Variants in ZHX3 observed in about 807,000 individuals in gnomAD.
ZHX3 encodes zinc fingers and homeoboxes 3, also known as zinc fingers and homeoboxes protein 3.
In ZHX3, 20 loss-of-function variants were observed where a neutral mutation model predicts 64.5. The ratio of observed to expected loss-of-function variants is 0.31; its 90% CI spans 0.22 to 0.45. The LOEUF is 0.45. ZHX3 is among the 20% of genes least tolerant of loss of function. The pLI, the probability that ZHX3 is intolerant of heterozygous loss-of-function variation, is 1.00. For missense variants in ZHX3, 1,041 were observed against 1,195.8 expected (o/e 0.87, Z 1.91); for synonymous variants, 423 against 461.6 (o/e 0.92, Z 1.07).
rs952434510 is a variant in ZHX3 at position 41,259,550 on chromosome 20, T to A, written c.-151+9440A>T. The stretch of plus-strand genomic sequence containing the variant: ...CCCTACAAAGAATGAAGTAGATACA[T>A]GTGAATGGACATAGAAAGACTCCCA... On this transcript the variant is annotated intron_variant, in intron 2 of 3. Coordinates refer to ENST00000683867, the MANE Select transcript of ZHX3 (RefSeq NM_001384317.1). Among the ~76,000 whole-genome samples the A allele has an allele frequency of 3.9e-5, 6 of 152,156 alleles. No individual in the cohort carries two copies. The South Asian group carries it at 1.0e-3, about 26-fold the overall frequency.
At chr20:41,300,198 G>A (rs6029618) in intron 1 of ZHX3, 1 of 152,192 alleles carries the variant, frequency 6.6e-6, no homozygotes, top group Non-Finnish European at 1.5e-5. Flanking sequence ...ACATGTAACA[G>A]GCTTTGGGAT....
intron 2 of ZHX3, among the ~76,000 whole-genome samples, chr20:41,268,264 A>C (rs552179226): frequency 6.6e-6 from 1 of 152,268 alleles, no homozygotes; most frequent in Non-Finnish European, 1.5e-5. Flanking sequence ...TACTGGACAA[A>C]GTTTCTTAAT....
chr20:41,278,833 CAT>C, intron 1 of ZHX3, among the ~76,000 whole-genome samples: 1 of 109,402 alleles, frequency 9.1e-6, no homozygotes, highest in East Asian at 2.9e-4. Context: ...AGTGCAGTGG[CAT>C]GATCTGGGCT....
intron 3 of ZHX3, chr20:41,196,622 TG>T (rs1338012454): frequency 8.7e-6 from 1 of 115,518 alleles, no homozygotes; most frequent in East Asian, 2.2e-4. Context: ...ATAATATCCT[TG>T]TCTCTTGTAA....
intron 1 of ZHX3, among the ~76,000 whole-genome samples, chr20:41,270,082 A>T (rs1268986246): frequency 6.6e-6 from 1 of 152,204 alleles, no homozygotes; most frequent in African/African-American, 2.4e-5. Flanking sequence ...TTGTTAGGTA[A>T]ATTACCTAAA....
rs1397668446 is a variant in ZHX3 at position 41,204,630 on chromosome 20, A to C, written c.287T>G (p.Met96Arg). 2 of 1,614,248 alleles carry C rather than the reference A, an allele frequency of 1.2e-6. No homozygotes were observed. The highest frequency in any genetic ancestry group is 1.7e-6 in the Non-Finnish European group (2 of 1,180,048). Reference protein sequence around the residue: ...SHDMTQFVGHMNSEHTDFNKD... With the variant: ...SHDMTQFVGHRNSEHTDFNKD... The stretch of plus-strand genomic sequence containing the variant: ...ATTAAAGTCTGTGTGCTCTGAGTTC[A>C]TATGTCCCACAAATTGGGTCATGTC... Residue 96 changes from methionine (M) to arginine (R), a missense_variant, in exon 3 of 4, where the codon ATG (methionine) becomes AGG (arginine). Physicochemically the swap from Met to Arg is moderately conservative, Grantham distance 91. Around this residue, in one of 4 missense-constraint regions of ZHX3, gnomAD observed 358 missense variants for 369.1 expected, o/e 0.97. Transcript: ENST00000683867. This position sits in a 1 kb window ranked among gnomAD's most constrained non-coding sequence, Gnocchi z 6.6.
chr20:41,212,502 A>G lies in ZHX3; in HGVS notation c.-150-7436T>C, dbSNP rs2039229214. ...AAATGTTAAATATAGAGTTGCCATA[A>G]GATCCAGCAATTTGGCCGGGCGCAG... On this transcript the variant is annotated intron_variant, in intron 2 of 3. Transcript: ENST00000683867. This position sits in a 1 kb window ranked among gnomAD's most constrained non-coding sequence, Gnocchi z 4.3. 6.6e-6 allele frequency among the ~76,000 whole-genome samples: 1 copy of G among 152,226 alleles called. No homozygotes were observed. The highest frequency in any genetic ancestry group is 1.5e-5 in the Non-Finnish European group (1 of 68,036).
chr20:41,211,840 T>C (rs2146286517), intron 2 of ZHX3, among the ~76,000 whole-genome samples: 1 of 152,334 alleles, frequency 6.6e-6, no homozygotes, highest in South Asian at 2.1e-4. Flanking sequence ...GGGCTTACCA[T>C]CTCAAAGAGC....
Position 41,287,408 on chromosome 20 carries a change from G to A in ZHX3, c.-244-18325C>T, listed in dbSNP as rs569101379. Among the ~76,000 whole-genome samples, 3 of 152,184 alleles carry A rather than the reference G, an allele frequency of 2.0e-5. No homozygotes were observed. In the East Asian group the frequency reaches 5.8e-4, roughly 29 times the overall value. ...TCTGTGTTAGGCAGGCTCTAAGATG[G>A]CCCCTAATGATCTCTGCGTCCTGGT... is the stretch of plus-strand genomic sequence containing the variant. On this transcript the variant is annotated intron_variant, in intron 1 of 3. Coordinates refer to ENST00000683867, the MANE Select transcript of ZHX3 (RefSeq NM_001384317.1).
intron 2 of ZHX3, among the ~76,000 whole-genome samples, chr20:41,244,849 C>T (rs982807130): frequency 1.3e-5 from 2 of 152,146 alleles, no homozygotes; most frequent in African/African-American, 4.8e-5. Context: ...CTTACCTTCT[C>T]GGCCATCTCC....
intron 1 of ZHX3, among the ~76,000 whole-genome samples, chr20:41,311,373 T>C (rs2045133087): frequency 6.6e-6 from 1 of 152,224 alleles, no homozygotes; most frequent in Non-Finnish European, 1.5e-5. Flanking sequence ...AGACATGTAA[T>C]TTTCCTCAAG....
intron 1 of ZHX3, among the ~76,000 whole-genome samples, chr20:41,283,497 G>A (rs1293471891): frequency 3.3e-5 from 5 of 152,154 alleles, no homozygotes; most frequent in East Asian, 1.9e-4. Context: ...GGTAGCTCAC[G>A]CCTGTAATCC....
intron 1 of ZHX3, among the ~76,000 whole-genome samples, chr20:41,308,583 AT>A (rs1300424154): frequency 6.6e-6 from 1 of 152,214 alleles, no homozygotes; most frequent in African/African-American, 2.4e-5. Flanking sequence ...AATCTAAACA[AT>A]GCAACTCAAA....
intron 2 of ZHX3, among the ~76,000 whole-genome samples, chr20:41,255,446 C>T (rs924535962): frequency 2.0e-5 from 3 of 152,118 alleles, no homozygotes; most frequent in African/African-American, 7.2e-5. Flanking sequence ...CTACCACGCC[C>T]GGCAAAGGAT....
chr20:41,203,391 A>C lies in ZHX3; in HGVS notation c.1526T>G (p.Leu509Arg), dbSNP rs1208226866. Residue 509 changes from leucine to arginine, a missense_variant, in exon 3 of 4, where the codon CTG becomes CGG. Around this residue, in one of 4 missense-constraint regions of ZHX3, gnomAD observed 649 missense variants for 739.8 expected, o/e 0.88. Coordinates refer to ENST00000683867, the MANE Select transcript of ZHX3 (RefSeq NM_001384317.1). This position sits in a 1 kb window ranked among gnomAD's most constrained non-coding sequence, Gnocchi z 7.1. ...NKKSHEQLSA[L>R]KGSFCRNQFP... ...CTGGTTCCGACAGAAGCTCCCTTTC[A>C]GAGCTGACAGCTGTTCATGAGATTT... The C allele has an allele frequency of 1.9e-6, 3 of 1,614,072 alleles. No homozygotes were observed. Among genetic ancestry groups the C allele is most frequent in the Non-Finnish European group, 1.7e-6 (2 of 1,180,052 alleles).
At chr20:41,288,858 A>ATT (rs1422815753) in intron 1 of ZHX3, among the ~76,000 whole-genome samples, 1 of 152,236 alleles carries the variant, frequency 6.6e-6, no homozygotes, top group Non-Finnish European at 1.5e-5. Flanking sequence ...TCAGGACTCT[A>ATT]TAATTTCATT....
intron 1 of ZHX3, among the ~76,000 whole-genome samples, chr20:41,293,339 T>C (rs1396478633): frequency 6.6e-6 from 1 of 152,210 alleles, no homozygotes; most frequent in Non-Finnish European, 1.5e-5. Flanking sequence ...AGAGGATTAT[T>C]GTCAGTTTGG....
intron 1 of ZHX3, 187 bp from the exon 2 acceptor site, chr20:41,269,270 C>T (rs1333641810): frequency 6.6e-6 from 1 of 152,104 alleles, no homozygotes; most frequent in Non-Finnish European, 1.5e-5. Flanking sequence ...TATTAAAATT[C>T]CTAGTAGAAA....
At chr20:41,207,094 A>G (rs2038775712) in intron 2 of ZHX3, among the ~76,000 whole-genome samples, 1 of 152,214 alleles carries the variant, frequency 6.6e-6, no homozygotes, top group Non-Finnish European at 1.5e-5. Context: ...ACAGACAAAC[A>G]AATGCTGAGA....
Sources: allele counts gnomAD v4.1 joint callset (sites outside exome capture counted in the v4.1 genomes callset), GRCh38; gene constraint gnomAD v4.1.1; regional missense constraint gnomAD v4.1.1; non-coding constraint Gnocchi (gnomAD v3.1); transcripts MANE v1.5; gene names NCBI Gene and HGNC (gene_info 2026-07-23, HGNC 2026-07-21).